HDHD5: variants seen among roughly 807,000 people sequenced by gnomAD.
The protein encoded by HDHD5 is haloacid dehalogenase-like hydrolase domain-containing 5.
A neutral mutation model predicts 35.5 loss-of-function variants in HDHD5; 34 were observed. That is an observed-to-expected ratio of 0.96 (90% CI 0.73 to 1.28). The LOEUF (loss-of-function observed/expected upper bound fraction) is 1.28. HDHD5 is among the 50% of genes most tolerant of loss of function. The pLI is 0.00. For missense variants in HDHD5, 589 were observed against 560.2 expected (o/e 1.05, Z -0.52); for synonymous variants, 248 against 240.6 (o/e 1.03, Z -0.29).
chr22:17,141,631 A>C, intron 5 of HDHD5: 1 of 1,045,604 alleles, frequency 9.6e-7, no homozygotes, highest in Non-Finnish European at 1.2e-6. Context: ...GCAGAACCTA[A>C]CAGCCAGGAC....
chr22:17,151,913 G>A (rs1363533962), intron 1 of HDHD5, among the ~76,000 whole-genome samples: 5 of 152,144 alleles, frequency 3.3e-5, no homozygotes, highest in Non-Finnish European at 1.5e-5. Flanking sequence ...TAAATAAACA[G>A]AATTAAACAA....
intron 1 of HDHD5, among the ~76,000 whole-genome samples, chr22:17,154,263 G>A (rs1337234179): frequency 6.6e-6 from 1 of 151,584 alleles, no homozygotes; most frequent in African/African-American, 2.4e-5. Context: ...TGGGCAGATC[G>A]CCTGAGGTTG....
intron 1 of HDHD5, among the ~76,000 whole-genome samples, chr22:17,154,520 T>C (rs1359691095): frequency 6.6e-6 from 1 of 151,746 alleles, no homozygotes; most frequent in Non-Finnish European, 1.5e-5. Flanking sequence ...ATAAATAAAT[T>C]TTTAAAAGGC....
At chr22:17,159,453 C>T (rs772607610), upstream of HDHD5, 1 of 570,848 alleles carries the variant, frequency 1.8e-6, no homozygotes, top group Non-Finnish European at 3.1e-6. Context: ...GGGGTCCCGC[C>T]GCCTCCTAGA....
upstream of HDHD5, among the ~76,000 whole-genome samples, chr22:17,163,412 G>T (rs182752209): frequency 1.3e-5 from 2 of 152,300 alleles, no homozygotes; most frequent in African/African-American, 4.8e-5. Context: ...TATCTGATCA[G>T]CTCCCCAGGA....
At chr22:17,143,378 GT>G in intron 4 of HDHD5, 1 of 443,248 alleles carries the variant, frequency 2.3e-6, no homozygotes, top group Non-Finnish European at 4.0e-6. Flanking sequence ...AGGAGGAAGG[GT>G]GGTCAGCTGT....
Position 17,138,203 on chromosome 22 carries a change from C to G in HDHD5, c.1090G>C (p.Gly364Arg). 1.2e-6 allele frequency: 2 copies of G among 1,614,176 alleles called. No homozygotes were observed. Among genetic ancestry groups the G allele is most frequent in the Non-Finnish European group, 1.7e-6 (2 of 1,180,032 alleles). The change falls in exon 8 of 8, where the codon GGC becomes CGC. Residue 364 changes from glycine to arginine, a missense_variant. Gly to Arg is a moderately radical substitution (Grantham distance 125). Transcript: ENST00000336737. ...TGTGGGTTCCTGGGATTGTAGACGC[C>G]TGTACACACCAGGATGGAGATGCAG... is the stretch of plus-strand genomic sequence containing the variant. ...QSCISILVCT[G>R]VYNPRNPQST...
intron 1 of HDHD5, chr22:17,158,508 C>G (rs1248788081): frequency 3.3e-5 from 5 of 152,294 alleles, no homozygotes; most frequent in Non-Finnish European, 7.3e-5. Flanking sequence ...AGAAAACGTA[C>G]TTGAAAACTC....
chr22:17,144,437 G>A (rs1266301336), intron 4 of HDHD5, among the ~76,000 whole-genome samples: 1 of 146,004 alleles, frequency 6.8e-6, no homozygotes. Context: ...TTTTTGAGAC[G>A]GAGTCTCGCT....
At chr22:17,149,411 T>G in intron 2 of HDHD5, 131 bp downstream of exon 2, 2 of 786,754 alleles carry the variant, frequency 2.5e-6, no homozygotes. Context: ...GATTTCTGTG[T>G]TCAGCTGTGG....
rs777925157 is a variant in HDHD5 at position 17,141,085 on chromosome 22, C to G, written c.720G>C (p.Leu240=). 8 of 1,591,000 alleles carry G rather than the reference C, an allele frequency of 5.0e-6. No individual in the cohort carries two copies. The East Asian group carries it at 1.4e-4, about 28-fold the overall frequency. Residue 240 remains leucine, a synonymous_variant, in exon 6 of 8, where the codon CTG becomes CTC. Transcript: ENST00000336737. Reference sequence around the variant, plus strand: ...TGGGCATCTTGGCTTCAGCCATCCACAGGAGATCCATGTTGCTGGCTAGGA... The same window carrying G: ...TGGGCATCTTGGCTTCAGCCATCCAGAGGAGATCCATGTTGCTGGCTAGGA... ...LPVLASNMDL[L]WMAEAKMPRF...
chr22:17,156,592 C>G (rs914142222), intron 1 of HDHD5, among the ~76,000 whole-genome samples: 26 of 152,026 alleles, frequency 1.7e-4, no homozygotes, highest in Non-Finnish European at 5.9e-5. Context: ...TTGGCTAACA[C>G]AGTGAAACCC....
chr22:17,161,337 T>C (rs1249986218), upstream of HDHD5, among the ~76,000 whole-genome samples: 1 of 150,950 alleles, frequency 6.6e-6, no homozygotes, highest in Admixed American at 6.6e-5. Flanking sequence ...GGTAGGTGGA[T>C]CATCTGAGGT....
chr22:17,159,585 C>T (rs1327456479), upstream of HDHD5: 1 of 429,074 alleles, frequency 2.3e-6, no homozygotes, highest in African/African-American at 2.1e-5. Flanking sequence ...GGCCGGCCTC[C>T]CTCAGCTTCG....
At chr22:17,139,425 G>C (rs1398130405) in intron 6 of HDHD5, among the ~76,000 whole-genome samples, 1 of 152,022 alleles carries the variant, frequency 6.6e-6, no homozygotes, top group African/African-American at 2.4e-5. Context: ...CTACTTGGGG[G>C]GCTGAGGCAG....
intron 4 of HDHD5, 48 bp downstream of exon 4, chr22:17,144,976 T>C (rs1268394296): frequency 6.2e-7 from 1 of 1,609,106 alleles, no homozygotes; most frequent in Non-Finnish European, 8.5e-7. Context: ...TGCAGGGCAC[T>C]GGAGGAGTGA....
intron 3 of HDHD5, among the ~76,000 whole-genome samples, chr22:17,146,529 G>A (rs1197853264): frequency 7.7e-6 from 1 of 129,470 alleles, no homozygotes; most frequent in Admixed American, 7.8e-5. Context: ...ACACGTCATC[G>A]CACACGCCCC....
chr22:17,147,369 G>C, intron 3 of HDHD5, among the ~76,000 whole-genome samples: 1 of 110,118 alleles, frequency 9.1e-6, no homozygotes, highest in South Asian at 3.4e-4. Context: ...ACTCCTGTGA[G>C]CTTACCGGCC....
chr22:17,160,159 C>T (rs994313122), upstream of HDHD5, among the ~76,000 whole-genome samples: 2 of 152,124 alleles, frequency 1.3e-5, no homozygotes, highest in African/African-American at 4.8e-5. Context: ...CGGGACCCTA[C>T]AATGTACTTA....
Sources: gnomAD v4.1 joint callset for allele counts (sites outside exome capture counted in the v4.1 genomes callset) on GRCh38, gnomAD v4.1.1 for gene constraint, MANE v1.5 for transcripts, NCBI Gene and HGNC (gene_info 2026-07-23, HGNC 2026-07-21) for gene names.